Variants in TVP23A observed in about 807,000 individuals in gnomAD.
TVP23A encodes the protein trans-golgi network vesicle protein 23 homolog A.
TVP23A carries 21 observed loss-of-function variants against 31.7 expected under a neutral mutation model. That is an observed-to-expected ratio of 0.66 (90% CI 0.47 to 0.95). The LOEUF is 0.95. Ranked by LOEUF, TVP23A falls within the 40% of genes least tolerant of loss-of-function variation. TVP23A has a pLI of 0.00. For synonymous variants in TVP23A, 104 were observed against 96.0 expected, an observed-to-expected ratio of 1.08 and a Z score of -0.49; for missense variants, 279 against 255.6, an observed-to-expected ratio of 1.09 and a Z score of -0.62.
Position 10,770,331 on chromosome 16 carries a change from C to G in TVP23A, c.583G>C (p.Ala195Pro). The G allele has an allele frequency of 6.4e-7, 1 of 1,551,266 alleles. No homozygotes were observed. The highest frequency in any genetic ancestry group is 8.7e-7 in the Non-Finnish European group (1 of 1,146,982). The change falls in exon 7 of 8, where the codon GCC (alanine) becomes CCC (proline). Residue 195 changes from alanine (A) to proline (P), a missense_variant and splice_region_variant. Ala to Pro is a conservative substitution (Grantham distance 27). Coordinates refer to ENST00000299866, the MANE Select transcript of TVP23A (RefSeq NM_001079512.4). ...GGCTTCTGAAAGTCACCTGGGCAGG[C>G]CTGCAAGGGGAAAAGTCAACCATGG... is the stretch of plus-strand genomic sequence containing the variant. ...SFLSQTVFQTACPGDFQKPGL... is the reference protein window; with the variant it reads ...SFLSQTVFQTPCPGDFQKPGL...
chr16:10,757,935 A>G, downstream of TVP23A: 1 of 1,613,140 alleles, frequency 6.2e-7, no homozygotes, highest in Non-Finnish European at 8.5e-7. The surrounding 1 kb of genome is among the most constrained non-coding windows in gnomAD (Gnocchi z 4.1). Context: ...CATTGTGGAC[A>G]CCCCACCTGG....
chr16:10,767,338 A>C lies in TVP23A; in HGVS notation c.*1764T>G, dbSNP rs2031037930. 2.5e-6 allele frequency: 1 copy of C among 399,468 alleles called. No homozygotes were observed. Among genetic ancestry groups the C allele is most frequent in the Admixed American group, 4.4e-5 (1 of 22,794 alleles). The allele number at this position is 399,468 out of a possible 1,614,324, so 24.7% of individuals were successfully genotyped here. A position where few individuals can be genotyped will look rare whatever the true frequency, so the allele number is the denominator to read the frequency against. ...AGGAGGGGACTGGAACAATGGCCAC[A>C]TGGCGGGGAAAGACTAGCAGACTGA... On this transcript the variant is annotated 3_prime_UTR_variant, in exon 8 of 8. Transcript: ENST00000299866. The surrounding 1 kb of genome is among the most constrained non-coding windows in gnomAD (Gnocchi z 4.6).
Position 10,818,161 on chromosome 16 carries a change from C to A in TVP23A, c.31G>T (p.Asp11Tyr), listed in dbSNP as rs1262196809. The change falls in exon 2 of 8, where the codon GAT becomes TAT. Residue 11 changes from aspartate (D) to tyrosine (Y), a missense_variant. Coordinates refer to ENST00000299866, the MANE Select transcript of TVP23A (RefSeq NM_001079512.4). This position sits in a 1 kb window ranked among gnomAD's most constrained non-coding sequence, Gnocchi z 4.7. The stretch of plus-strand genomic sequence containing the variant: ...TCGTTTCCAAAGTCCAGGGACACAT[C>A]CTCGGTATCGTCCACCAGGGCCTGG... MKQALVDDTE[D>Y]VSLDFGNEEE... 14 of 1,607,466 alleles carry A rather than the reference C, an allele frequency of 8.7e-6. No homozygotes were observed. The East Asian group carries it at 3.1e-4, about 36-fold the overall frequency.
intron 7 of TVP23A, among the ~76,000 whole-genome samples, chr16:10,769,700 G>C (rs1351646500): frequency 6.6e-6 from 1 of 152,130 alleles, no homozygotes. Context: ...CAGAATGTGG[G>C]GTCTGTGTAA....
downstream of TVP23A, chr16:10,763,925 TGGGAGCATCCCAGCCCAA>T: frequency 6.1e-6 from 1 of 162,626 alleles, no homozygotes; most frequent in Non-Finnish European, 1.3e-5. Flanking sequence ...TCTCAGCCCA[TGGGAGCATCCCAGCCCAA>T]GGGAGTATCT....
chr16:10,762,305 G>C (rs2030048770), downstream of TVP23A, among the ~76,000 whole-genome samples: 1 of 152,202 alleles, frequency 6.6e-6, no homozygotes, highest in South Asian at 2.1e-4. Flanking sequence ...CACCGGGACA[G>C]ACCGGAACGC....
chr16:10,769,714 C>T (rs1363637362), intron 7 of TVP23A, among the ~76,000 whole-genome samples: 2 of 152,172 alleles, frequency 1.3e-5, no homozygotes, highest in East Asian at 1.9e-4. Flanking sequence ...TGTGTAAATT[C>T]CCTGTGTAGT....
intron 2 of TVP23A, chr16:10,808,688 G>T (rs990697987): frequency 1.4e-5 from 5 of 368,464 alleles, no homozygotes. Context: ...GAGAAGGGAG[G>T]ATTGCTTGAG....
At chr16:10,780,043 G>A (rs1455317492) in intron 2 of TVP23A, among the ~76,000 whole-genome samples, 1 of 152,252 alleles carries the variant, frequency 6.6e-6, no homozygotes, top group Admixed American at 6.5e-5. Flanking sequence ...AGCCAAGATC[G>A]TGCCACTGGA....
intron 2 of TVP23A, among the ~76,000 whole-genome samples, chr16:10,805,816 A>G (rs1368693904): frequency 6.6e-6 from 1 of 152,082 alleles, no homozygotes; most frequent in African/African-American, 2.4e-5. Flanking sequence ...TGCTTGGCAC[A>G]CAAAGGTCCT....
Position 10,818,098 on chromosome 16 carries a change from C to A in TVP23A, c.89+5G>T. On this transcript the variant is annotated splice_donor_5th_base_variant and intron_variant, in intron 2 of 7. Transcript: ENST00000299866. This position sits in a 1 kb window ranked among gnomAD's most constrained non-coding sequence, Gnocchi z 4.7. ...ACGCCTGACCCAAGCTCCATCCCAA[C>A]ACACCTGATCTTGGCTTTCCTAAAG... is the stretch of plus-strand genomic sequence containing the variant. The A allele has an allele frequency of 3.1e-6, 5 of 1,606,178 alleles. No individual in the cohort carries two copies. Among genetic ancestry groups the A allele is most frequent in the Admixed American group, 1.7e-5 (1 of 58,946 alleles).
chr16:10,771,958 A>C (rs899289811), intron 5 of TVP23A, among the ~76,000 whole-genome samples, 160 bp from the exon 6 acceptor site: 2 of 152,126 alleles, frequency 1.3e-5, no homozygotes, highest in Admixed American at 1.3e-4. Context: ...AGCTGGGACT[A>C]CAGGCGTCCG....
At chr16:10,807,982 G>C (rs1489094986) in intron 2 of TVP23A, among the ~76,000 whole-genome samples, 1 of 152,132 alleles carries the variant, frequency 6.6e-6, no homozygotes, top group Non-Finnish European at 1.5e-5. Flanking sequence ...CTAGTAACTG[G>C]GATTACAGGT....
rs201592056 is a variant in TVP23A at position 10,800,808 on chromosome 16, A to AC, written c.89+17294dup. On this transcript the variant is annotated intron_variant, in intron 2 of 7. Transcript: ENST00000299866. The stretch of plus-strand genomic sequence containing the variant: ...AGACCAGCCTGGGCAACATGGCGAA[A>AC]CCCCATCTCTACTAAAAATAATTTT... Among the ~76,000 whole-genome samples, 46 of 152,140 alleles carry AC rather than the reference A, an allele frequency of 3.0e-4. No individual in the cohort carries two copies. In the East Asian group the frequency reaches 8.7e-3, roughly 29 times the overall value.
intron 2 of TVP23A, among the ~76,000 whole-genome samples, chr16:10,803,268 T>TGTGTGTGTGTGTGTGC (rs1555485953): frequency 2.0e-5 from 3 of 151,420 alleles, no homozygotes; most frequent in East Asian, 2.0e-4. Context: ...TGTGTGTGTG[T>TGTGTGTGTGTGTGTGC]GTGTGTGTGT....
intron 2 of TVP23A, among the ~76,000 whole-genome samples, chr16:10,798,654 G>GTTTTGTTTTTGT (rs58138056): frequency 8.6e-5 from 13 of 151,730 alleles, no homozygotes; most frequent in African/African-American, 3.2e-4. Flanking sequence ...GGCAGCTTAT[G>GTTTTGTTTTTGT]TTTTGTTTTT....
intron 2 of TVP23A, among the ~76,000 whole-genome samples, chr16:10,783,485 G>T (rs1454044573): frequency 6.6e-6 from 1 of 152,128 alleles, no homozygotes; most frequent in African/African-American, 2.4e-5. Flanking sequence ...AGACCAGCCT[G>T]GCCAACATGG....
At chr16:10,773,966 C>T (rs2031814913) in intron 4 of TVP23A, 73 bp downstream of exon 4, 2 of 1,239,168 alleles carry the variant, frequency 1.6e-6, no homozygotes, top group Non-Finnish European at 2.3e-6. Context: ...GCACAAAACT[C>T]CAAAGGAACC....
Position 10,767,688 on chromosome 16 carries a change from G to T in TVP23A, c.*1414C>A. 1 of 519,922 alleles carries T rather than the reference G, an allele frequency of 1.9e-6. No homozygotes were observed. Among genetic ancestry groups the T allele is most frequent in the Non-Finnish European group, 3.4e-6 (1 of 293,018 alleles). 32.2% of individuals were successfully genotyped at this position (519,922 alleles called of 1,614,324 possible). On this transcript the variant is annotated 3_prime_UTR_variant, in exon 8 of 8. Transcript: ENST00000299866. This position sits in a 1 kb window ranked among gnomAD's most constrained non-coding sequence, Gnocchi z 4.6. ...CTCCTGGGCCCATGTGGAAGCTGCT[G>T]AATCAGTTCTCTGTAGGGCCCTGGA... is the stretch of plus-strand genomic sequence containing the variant.
Sources: allele counts gnomAD v4.1 joint callset (sites outside exome capture counted in the v4.1 genomes callset), GRCh38; gene constraint gnomAD v4.1.1; non-coding constraint Gnocchi (gnomAD v3.1); transcripts MANE v1.5; gene names NCBI Gene and HGNC (gene_info 2026-07-23, HGNC 2026-07-21).